The following CAMKMT variants were observed in gnomAD, a reference collection of about 807,000 sequenced individuals.
The protein encoded by CAMKMT is CaM KMT.
In CAMKMT, 53 loss-of-function variants were observed where a neutral mutation model predicts 48.0. The observed-to-expected ratio is 1.10, with a 90% CI of 0.89 to 1.39. The LOEUF (loss-of-function observed/expected upper bound fraction) is 1.39. Among genes scored for constraint, CAMKMT ranks in the 40% most tolerant of loss-of-function variants. The probability of loss-of-function intolerance (pLI) is 0.00; values close to 1 mark genes in which losing one functional copy is unlikely to be tolerated. For synonymous variants in CAMKMT, 165 were observed against 152.3 expected, an observed-to-expected ratio of 1.08 and a Z score of -0.61; for missense variants, 428 against 402.7, an observed-to-expected ratio of 1.06 and a Z score of -0.54.
At chr2:44,771,155 G>T (rs1438264546) in intron 10 of CAMKMT, among the ~76,000 whole-genome samples, 1 of 152,056 alleles carries the variant, frequency 6.6e-6, no homozygotes, top group Non-Finnish European at 1.5e-5. Flanking sequence ...TAGGGTGGGT[G>T]GAGTGGGTGG....
At chr2:44,614,323 GA>G (rs1452206102) in intron 3 of CAMKMT, among the ~76,000 whole-genome samples, 1 of 152,210 alleles carries the variant, frequency 6.6e-6, no homozygotes, top group Non-Finnish European at 1.5e-5. Context: ...AAAACTGACT[GA>G]AATACAGTTC....
chr2:44,666,161 T>C (rs1674953965), intron 3 of CAMKMT, among the ~76,000 whole-genome samples: 1 of 152,194 alleles, frequency 6.6e-6, no homozygotes, highest in South Asian at 2.1e-4. Context: ...CATTTATAAC[T>C]TAAGCATAGA....
intron 3 of CAMKMT, among the ~76,000 whole-genome samples, chr2:44,492,039 C>G (rs754345944): frequency 6.6e-6 from 1 of 152,090 alleles, no homozygotes; most frequent in Non-Finnish European, 1.5e-5. Flanking sequence ...AGATGTGAGA[C>G]TCATCTAGAT....
chr2:44,548,503 C>T (rs1342576249), intron 3 of CAMKMT, among the ~76,000 whole-genome samples: 1 of 152,158 alleles, frequency 6.6e-6, no homozygotes, highest in Non-Finnish European at 1.5e-5. Flanking sequence ...ACACCCTCTC[C>T]CAGGTATTTA....
At chr2:44,714,910 T>C (rs968304481) in intron 6 of CAMKMT, among the ~76,000 whole-genome samples, 3 of 152,112 alleles carry the variant, frequency 2.0e-5, no homozygotes, top group Admixed American at 6.6e-5. Context: ...GATAAAAAGA[T>C]TGGCCAGGCG....
chr2:44,469,165 A>G (rs560385953), intron 3 of CAMKMT, among the ~76,000 whole-genome samples: 1 of 152,294 alleles, frequency 6.6e-6, no homozygotes, highest in African/African-American at 2.4e-5. Flanking sequence ...TGTTTGAGGT[A>G]AGATATACTA....
At chr2:44,477,304 G>A (rs1021392954) in intron 3 of CAMKMT, among the ~76,000 whole-genome samples, 3 of 152,172 alleles carry the variant, frequency 2.0e-5, no homozygotes, top group African/African-American at 7.2e-5. Context: ...GGGTGTACAG[G>A]TGTACCCACC....
Position 44,445,669 on chromosome 2 carries a change from T to G in CAMKMT, c.376+55364T>G, listed in dbSNP as rs1478764427. 3.4e-4 allele frequency among the ~76,000 whole-genome samples: 40 copies of G among 119,210 alleles called. 3 individuals carry two copies. Among genetic ancestry groups the G allele is most frequent in the Admixed American group, 2.3e-3 (28 of 12,270 alleles). 78.2% of individuals were successfully genotyped at this position (119,210 alleles called of 152,430 possible). A position where few individuals can be genotyped will look rare whatever the true frequency, so the allele number is the denominator to read the frequency against. On this transcript the variant is annotated intron_variant, in intron 3 of 10. Transcript: ENST00000378494. The stretch of plus-strand genomic sequence containing the variant: ...AGTTTTTTTTTTTTTTTTTTTTTTT[T>G]TTTTTTTTTTTTTTTTTTTTTTTTA...
chr2:44,676,516 C>G (rs1052721330), intron 3 of CAMKMT: 1 of 152,318 alleles, frequency 6.6e-6, no homozygotes, highest in Non-Finnish European at 1.5e-5. Flanking sequence ...CCTTAAGCCT[C>G]TTTCTCCACA....
chr2:44,648,796 A>G (rs572175343), intron 3 of CAMKMT, among the ~76,000 whole-genome samples: 4 of 152,288 alleles, frequency 2.6e-5, no homozygotes, highest in African/African-American at 9.6e-5. Context: ...TAACCCTTCT[A>G]TAATCTCCAC....
At chr2:44,673,522 G>GAAGGA (rs945472268) in intron 3 of CAMKMT, among the ~76,000 whole-genome samples, 2 of 76,626 alleles carry the variant, frequency 2.6e-5, no homozygotes, top group African/African-American at 1.0e-4. Flanking sequence ...AGGAAGGAAG[G>GAAGGA]AGGGAAGGAA....
chr2:44,704,510 A>C (rs770693569), intron 4 of CAMKMT, among the ~76,000 whole-genome samples, 167 bp downstream of exon 4: 15 of 152,166 alleles, frequency 9.9e-5, no homozygotes, highest in Admixed American at 4.6e-4. Context: ...TTCACAGTGA[A>C]CACATGTTGC....
At chr2:44,364,073 T>G (rs1678335936) in intron 1 of CAMKMT, among the ~76,000 whole-genome samples, 1 of 132,060 alleles carries the variant, frequency 7.6e-6, no homozygotes. Context: ...GGCAGGTAAC[T>G]CCTGGGCTCA....
In CAMKMT at chr2:44,657,251, T is replaced by C. The variant is rs1436804589; in HGVS notation, c.377-47032T>C. Among the ~76,000 whole-genome samples the C allele has an allele frequency of 6.6e-6, 1 of 152,220 alleles. No homozygotes were observed. The highest frequency in any genetic ancestry group is 2.4e-5 in the African/African-American group (1 of 41,450). ...TCAGATAACTTCTTCAATTTGAGGTTCCTGGTACATTAAAGAACTAAAGAA... is the reference window on the plus strand; with the variant it reads ...TCAGATAACTTCTTCAATTTGAGGTCCCTGGTACATTAAAGAACTAAAGAA... On this transcript the variant is annotated intron_variant, in intron 3 of 10. Coordinates refer to ENST00000378494, the MANE Select transcript of CAMKMT (RefSeq NM_024766.5). This position sits in a 1 kb window ranked among gnomAD's most constrained non-coding sequence, Gnocchi z 4.3.
At chr2:44,456,149 G>C (rs546981068) in intron 3 of CAMKMT, among the ~76,000 whole-genome samples, 1 of 152,184 alleles carries the variant, frequency 6.6e-6, no homozygotes, top group South Asian at 2.1e-4. Context: ...CAAATATATT[G>C]CTAGTACATA....
intron 3 of CAMKMT, among the ~76,000 whole-genome samples, chr2:44,481,901 AC>A (rs973509895): frequency 1.1e-4 from 17 of 152,192 alleles, no homozygotes; most frequent in African/African-American, 4.1e-4. Flanking sequence ...ACTCATTTAA[AC>A]CCGGGTTTTA....
chr2:44,465,652 TAGTA>T (rs1668074743), intron 3 of CAMKMT, among the ~76,000 whole-genome samples: 1 of 149,622 alleles, frequency 6.7e-6, no homozygotes, highest in Non-Finnish European at 1.5e-5. Flanking sequence ...AATATAGAAA[TAGTA>T]AGTTCCATGG....
Position 44,419,877 on chromosome 2 carries a change from A to T in CAMKMT, c.376+29572A>T, listed in dbSNP as rs576628615. Among the ~76,000 whole-genome samples the T allele has an allele frequency of 2.0e-4, 31 of 151,272 alleles. 1 individual carries two copies. In the East Asian group the frequency reaches 3.7e-3, roughly 18 times the overall value. On this transcript the variant is annotated intron_variant, in intron 3 of 10. Coordinates refer to ENST00000378494, the MANE Select transcript of CAMKMT (RefSeq NM_024766.5). ...GGTGAGACCTCCCCTCTTTAAAAAA[A>T]TTTTTTTTTTCTTCTGTGGTTGCTA...
chr2:44,403,273 C>T (rs540836096), intron 3 of CAMKMT, among the ~76,000 whole-genome samples: 8 of 152,124 alleles, frequency 5.3e-5, no homozygotes, highest in African/African-American at 1.9e-4. Context: ...GTTACTCAAC[C>T]CCCTGATTCA....
Sources: allele counts gnomAD v4.1 joint callset (sites outside exome capture counted in the v4.1 genomes callset), GRCh38; gene constraint gnomAD v4.1.1; non-coding constraint Gnocchi (gnomAD v3.1); transcripts MANE v1.5; gene names NCBI Gene and HGNC (gene_info 2026-07-23, HGNC 2026-07-21).